The following VTI1B variants were observed in gnomAD, a reference collection of about 807,000 sequenced individuals.
VTI1B encodes vesicle transport through interaction with t-SNAREs 1B, also known as vesicle transport through interaction with t-SNAREs homolog 1B.
A neutral mutation model predicts 28.6 loss-of-function variants in VTI1B; 18 were observed. The observed-to-expected ratio is 0.63, with a 90% CI of 0.43 to 0.93. VTI1B has a LOEUF of 0.93. Ranked by LOEUF, VTI1B falls within the 40% of genes least tolerant of loss-of-function variation. VTI1B has a pLI of 0.00. For missense variants in VTI1B, 283 were observed against 297.0 expected, an observed-to-expected ratio of 0.95 and a Z score of 0.35; for synonymous variants, 100 against 107.9, an observed-to-expected ratio of 0.93 and a Z score of 0.46.
Position 67,650,867 on chromosome 14 carries a change from C to CCTA in VTI1B, c.*515_*517dup. ...AGGGCATATTGTCTATGACCAACTT[C>CCTA]CTACTCCCAGTTCACCAGATGAATC... On this transcript the variant is annotated 3_prime_UTR_variant, in exon 6 of 6. Transcript: ENST00000554659. 1 of 1,614,212 alleles carries CCTA rather than the reference C, an allele frequency of 6.2e-7. No individual in the cohort carries two copies. Among genetic ancestry groups the CCTA allele is most frequent in the South Asian group, 1.1e-5 (1 of 91,088 alleles).
Position 67,659,737 on chromosome 14 carries a change from C to G in VTI1B, c.360G>C (p.Glu120Asp). The change falls in exon 3 of 6, where the codon GAG becomes GAC. Residue 120 changes from glutamate to aspartate, a missense_variant. By Grantham distance (45) the Glu-to-Asp change is conservative (BLOSUM62 2). Transcript: ENST00000554659. ...MKYGIYAVEN[E>D]HMNRLQSQRA... ...CAAAACAGCTAAAACTTACCATATGCTCATTCTCTACAGCATATATGCCAT... is the reference window on the plus strand; with the variant it reads ...CAAAACAGCTAAAACTTACCATATGGTCATTCTCTACAGCATATATGCCAT... 1 of 1,597,880 alleles carries G rather than the reference C, an allele frequency of 6.3e-7. No homozygotes were observed. Among genetic ancestry groups the G allele is most frequent in the South Asian group, 1.1e-5 (1 of 87,028 alleles).
Position 67,662,519 on chromosome 14 carries a change from C to G in VTI1B, c.132G>C (p.Leu44Phe). 2 of 1,611,500 alleles carry G rather than the reference C, an allele frequency of 1.2e-6. No individual in the cohort carries two copies. The highest frequency in any genetic ancestry group is 1.7e-6 in the Non-Finnish European group (2 of 1,179,306). ...GTAGTEEKKK[L>F]IRDFDEKQQE... The stretch of plus-strand genomic sequence containing the variant: ...GTTGCTTTTCATCAAAATCCCTGAT[C>G]AATTTCTTCTTTTCTTCTAGAAAAG... Residue 44 changes from leucine (L) to phenylalanine (F), a missense_variant, in exon 2 of 6, where the codon TTG (leucine) becomes TTC (phenylalanine). Physicochemically the swap from Leu to Phe is conservative, Grantham distance 22. Coordinates refer to ENST00000554659, the MANE Select transcript of VTI1B (RefSeq NM_006370.3).
At chr14:67,672,447 C>CCT (rs1555385154) in intron 1 of VTI1B, among the ~76,000 whole-genome samples, 5 of 116,828 alleles carry the variant, frequency 4.3e-5, no homozygotes, top group Non-Finnish European at 8.3e-5. Flanking sequence ...CTTTTCTTTT[C>CCT]TTTTTTTTTT....
At chr14:67,664,065 A>G (rs1166688140) in intron 1 of VTI1B, among the ~76,000 whole-genome samples, 1 of 152,212 alleles carries the variant, frequency 6.6e-6, no homozygotes, top group Non-Finnish European at 1.5e-5. Flanking sequence ...TTATCACCAT[A>G]AAGTTACCAT....
In VTI1B at chr14:67,667,459, T is replaced by C. The variant is rs143189906; in HGVS notation, c.116-4924A>G. 3.3e-4 allele frequency among the ~76,000 whole-genome samples: 50 copies of C among 152,276 alleles called. 1 individual carries two copies. The highest frequency in any genetic ancestry group is 1.2e-3 in the African/African-American group (50 of 41,546). ...CCCTCTCAACCAACCTGTTTCCTCATCTGCAAATAGGGACTATAAGACTAC... is the reference window on the plus strand; with the variant it reads ...CCCTCTCAACCAACCTGTTTCCTCACCTGCAAATAGGGACTATAAGACTAC... On this transcript the variant is annotated intron_variant, in intron 1 of 5. Transcript: ENST00000554659.
At chr14:67,673,343 CA>C (rs202054090) in intron 1 of VTI1B, among the ~76,000 whole-genome samples, 164 of 144,418 alleles carry the variant, frequency 1.1e-3, no homozygotes, top group Non-Finnish European at 1.6e-3. Flanking sequence ...GACCCTGTCT[CA>C]AAAAAAAAAA....
At chr14:67,653,714 G>C (rs907067094) in intron 4 of VTI1B, among the ~76,000 whole-genome samples, 23 of 152,210 alleles carry the variant, frequency 1.5e-4, no homozygotes, top group African/African-American at 5.5e-4. Flanking sequence ...CATCTTCCCA[G>C]GTTGCTGCTG....
chr14:67,648,381 C>T lies in VTI1B; in HGVS notation c.*3004G>A. 1 of 464,766 alleles carries T rather than the reference C, an allele frequency of 2.2e-6. No individual in the cohort carries two copies. The highest frequency in any genetic ancestry group is 3.7e-6 in the Non-Finnish European group (1 of 271,418). The allele number at this position is 464,766 out of a possible 1,614,324, so 28.8% of individuals were successfully genotyped here. ...GAGTCATGCTTGGACATGGCTCTTA[C>T]CAAATTACACTAAGGTAATAATGAG... On this transcript the variant is annotated 3_prime_UTR_variant, in exon 6 of 6. Coordinates refer to ENST00000554659, the MANE Select transcript of VTI1B (RefSeq NM_006370.3).
chr14:67,673,350 A>C (rs1771697255), intron 1 of VTI1B, among the ~76,000 whole-genome samples: 1 of 152,196 alleles, frequency 6.6e-6, no homozygotes, highest in South Asian at 2.1e-4. Context: ...TCTCAAAAAA[A>C]AAAATGATAA....
At chr14:67,664,255 C>T (rs2037373975) in intron 1 of VTI1B, among the ~76,000 whole-genome samples, 3 of 152,122 alleles carry the variant, frequency 2.0e-5, no homozygotes, top group Admixed American at 1.3e-4. Flanking sequence ...ACTTGTTTAT[C>T]CTCTCAAACT....
At position 67,650,669 on chromosome 14, in the gene VTI1B, G is replaced by A; in HGVS notation, c.*716C>T. The A allele has an allele frequency of 6.4e-7, 1 of 1,563,444 alleles. No homozygotes were observed. Among genetic ancestry groups the A allele is most frequent in the Non-Finnish European group, 8.8e-7 (1 of 1,135,610 alleles). ...CCCAGTGGGATGACCCTCACTGAGAGTAGCAGCAAGGGAACCTGAGGTTTT... is the reference window on the plus strand; with the variant it reads ...CCCAGTGGGATGACCCTCACTGAGAATAGCAGCAAGGGAACCTGAGGTTTT... On this transcript the variant is annotated 3_prime_UTR_variant, in exon 6 of 6. Coordinates refer to ENST00000554659, the MANE Select transcript of VTI1B (RefSeq NM_006370.3).
chr14:67,651,770 A>C lies in VTI1B; in HGVS notation c.603-289T>G, dbSNP rs549364520. 1.5e-5 allele frequency: 4 copies of C among 268,204 alleles called. No individual in the cohort carries two copies. In the East Asian group the frequency reaches 4.0e-4, roughly 27 times the overall value. The allele number at this position is 268,204 out of a possible 1,614,324, so 16.6% of individuals were successfully genotyped here. ...CTTTAAAAATAGCTTTTCTAGAAAG[A>C]AGGGTTAGCTAGAAAAAGTAATCAA... On this transcript the variant is annotated intron_variant, in intron 5 of 5. Transcript: ENST00000554659.
intron 1 of VTI1B, among the ~76,000 whole-genome samples, chr14:67,667,692 C>G (rs1047151150): frequency 6.6e-6 from 1 of 152,256 alleles, no homozygotes; most frequent in East Asian, 1.9e-4. Context: ...CGCCTGTAAT[C>G]CCTGCACTTT....
intron 1 of VTI1B, among the ~76,000 whole-genome samples, chr14:67,664,621 C>T (rs927771331): frequency 6.6e-6 from 1 of 151,188 alleles, no homozygotes; most frequent in Non-Finnish European, 1.5e-5. Context: ...CTCAGCCTCC[C>T]GAGCAGCTGG....
At chr14:67,673,611 CCAGT>C (rs1289008756) in intron 1 of VTI1B, among the ~76,000 whole-genome samples, 4 of 152,214 alleles carry the variant, frequency 2.6e-5, no homozygotes, top group African/African-American at 4.8e-5. Flanking sequence ...TTCATTCTCA[CCAGT>C]CATTCAATTC....
chr14:67,647,775 C>A lies in VTI1B; in HGVS notation c.*3610G>T, dbSNP rs1441204787. 2.3e-5 allele frequency: 9 copies of A among 391,568 alleles called. No individual in the cohort carries two copies. The highest frequency in any genetic ancestry group is 3.7e-5 in the Non-Finnish European group (8 of 216,254). The allele number at this position is 391,568 out of a possible 1,614,324, so 24.3% of individuals were successfully genotyped here. The stretch of plus-strand genomic sequence containing the variant: ...TTATTAGTATAAGAGGTTCTAATAC[C>A]CAGTGTAAGGCAGAAATATACATTG... On this transcript the variant is annotated 3_prime_UTR_variant, in exon 6 of 6. Coordinates refer to ENST00000554659, the MANE Select transcript of VTI1B (RefSeq NM_006370.3).
In VTI1B at chr14:67,662,519, C is replaced by T. The variant is rs1179776868; in HGVS notation, c.132G>A (p.Leu44=). Residue 44 remains leucine (L), a synonymous_variant, in exon 2 of 6, where the codon TTG becomes TTA. Transcript: ENST00000554659. ...GTTGCTTTTCATCAAAATCCCTGAT[C>T]AATTTCTTCTTTTCTTCTAGAAAAG... ...GTAGTEEKKK[L]IRDFDEKQQE... is the part of the protein sequence containing the mutation. 6.2e-7 allele frequency: 1 copy of T among 1,611,500 alleles called. No homozygotes were observed. Among genetic ancestry groups the T allele is most frequent in the Admixed American group, 1.7e-5 (1 of 58,984 alleles).
In VTI1B at chr14:67,660,131, G is replaced by A. The variant is rs943414743; in HGVS notation, c.175-209C>T. On this transcript the variant is annotated intron_variant, in intron 2 of 5. Transcript: ENST00000554659. ...CCCAGCAAGCACAGAGCAGGCATTC[G>A]AGTATATGAACTGAATGAATGAATG... The A allele has an allele frequency of 1.2e-4, 63 of 518,160 alleles. 1 individual carries two copies. The highest frequency in any genetic ancestry group is 1.0e-3 in the African/African-American group (54 of 51,668). 32.1% of individuals were successfully genotyped at this position (518,160 alleles called of 1,614,324 possible). A position where few individuals can be genotyped will look rare whatever the true frequency, so the allele number is the denominator to read the frequency against.
At chr14:67,666,974 A>T (rs1407230606) in intron 1 of VTI1B, among the ~76,000 whole-genome samples, 1 of 152,212 alleles carries the variant, frequency 6.6e-6, no homozygotes, top group Non-Finnish European at 1.5e-5. Flanking sequence ...AATCAACTAC[A>T]AACAGCAAGG....
Sources: allele counts gnomAD v4.1 joint callset (sites outside exome capture counted in the v4.1 genomes callset), GRCh38; gene constraint gnomAD v4.1.1; transcripts MANE v1.5; gene names NCBI Gene and HGNC (gene_info 2026-07-23, HGNC 2026-07-21).